The following RHOG variants were observed in gnomAD, a reference collection of about 807,000 sequenced individuals.
RHOG encodes ras homolog family member G.
Under a neutral mutation model 12.3 loss-of-function variants are expected in RHOG, and 1 was observed. The ratio of observed to expected loss-of-function variants is 0.08; its 90% CI spans 0.03 to 0.39. The LOEUF (loss-of-function observed/expected upper bound fraction) is 0.39. RHOG is among the 10% of genes least tolerant of loss of function. The pLI, the probability that RHOG is intolerant of heterozygous loss-of-function variation, is 0.99. For synonymous variants in RHOG, 129 were observed against 116.0 expected, an observed-to-expected ratio of 1.11 and a Z score of -0.72; for missense variants, 114 against 266.2, an observed-to-expected ratio of 0.43 and a Z score of 3.98.
intron 1 of RHOG, among the ~76,000 whole-genome samples, chr11:3,833,429 T>C (rs894220887): frequency 1.3e-5 from 2 of 152,234 alleles, no homozygotes; most frequent in African/African-American, 4.8e-5. Flanking sequence ...CAGATCTGTA[T>C]GTTATTAGAC....
chr11:3,828,730 T>TCTC (rs1267802970), intron 1 of RHOG, among the ~76,000 whole-genome samples: 28 of 150,438 alleles, frequency 1.9e-4, no homozygotes, highest in East Asian at 7.8e-4. Flanking sequence ...TTCACGCCAT[T>TCTC]CTGCCTCAGC....
chr11:3,833,986 G>A lies in RHOG; in HGVS notation c.-68-5780C>T, dbSNP rs1322358014. On this transcript the variant is annotated intron_variant, in intron 1 of 1. Transcript: ENST00000351018. ...CGCCCAGGTTAGAGTGCAGTGTCGC[G>A]ATCTCAGCTCACTGCAATCTCCACC... 3.9e-5 allele frequency among the ~76,000 whole-genome samples: 6 copies of A among 152,232 alleles called. No homozygotes were observed. In the South Asian group the frequency reaches 8.3e-4, roughly 21 times the overall value.
intron 1 of RHOG, among the ~76,000 whole-genome samples, chr11:3,837,226 G>T (rs1324521678): frequency 6.6e-6 from 1 of 152,146 alleles, no homozygotes; most frequent in East Asian, 1.9e-4. Context: ...GCCTGAGGGG[G>T]TTTCCACAAG....
intron 1 of RHOG, among the ~76,000 whole-genome samples, chr11:3,828,478 G>T (rs1289788106): frequency 6.6e-6 from 1 of 152,104 alleles, no homozygotes; most frequent in Non-Finnish European, 1.5e-5. Flanking sequence ...GTGTAACCCT[G>T]AAAAAATTGC....
chr11:3,839,651 G>A (rs1052831297), intron 1 of RHOG, among the ~76,000 whole-genome samples: 1 of 147,894 alleles, frequency 6.8e-6, no homozygotes, highest in Non-Finnish European at 1.5e-5. Flanking sequence ...TCTTTAATCC[G>A]TCTCTATCAC....
chr11:3,834,499 A>G (rs1413132283), intron 1 of RHOG, among the ~76,000 whole-genome samples: 1 of 152,216 alleles, frequency 6.6e-6, no homozygotes, highest in Non-Finnish European at 1.5e-5. Flanking sequence ...ACAAGACTGC[A>G]ATGCTGAATC....
At chr11:3,831,438 GCA>G (rs879310917) in intron 1 of RHOG, among the ~76,000 whole-genome samples, 21,014 of 151,592 alleles carry the variant, frequency 0.14, 1,550 homozygotes, top group Middle Eastern at 0.17. Context: ...TTGTGCGCGT[GCA>G]CGTGTGCATG....
In RHOG at chr11:3,827,288, G is replaced by A; in HGVS notation, c.*275C>T. The A allele has an allele frequency of 2.0e-6, 1 of 492,020 alleles. No individual in the cohort carries two copies. Among genetic ancestry groups the A allele is most frequent in the South Asian group, 3.0e-5 (1 of 33,704 alleles). The allele number at this position is 492,020 out of a possible 1,614,324, so 30.5% of individuals were successfully genotyped here. On this transcript the variant is annotated 3_prime_UTR_variant, in exon 2 of 2. Coordinates refer to ENST00000351018, the MANE Select transcript of RHOG (RefSeq NM_001665.4). This position sits in a 1 kb window ranked among gnomAD's most constrained non-coding sequence, Gnocchi z 7.3. ...TGGTCAGTAGCGGAAAATGGGAGGG[G>A]GCACTGGGTTGGCCTCTTGGGGAGG...
At chr11:3,836,589 C>A (rs2090158009) in intron 1 of RHOG, among the ~76,000 whole-genome samples, 1 of 151,544 alleles carries the variant, frequency 6.6e-6, no homozygotes, top group Non-Finnish European at 1.5e-5. Context: ...GTCCCAGCAC[C>A]CTAAGTGTTC....
rs1376948958 is a variant in RHOG at position 3,827,611 on chromosome 11, C to T, written c.528G>A (p.Val176=). 1 of 1,612,130 alleles carries T rather than the reference C, an allele frequency of 6.2e-7. No homozygotes were observed. The highest frequency in any genetic ancestry group is 1.1e-5 in the South Asian group (1 of 91,088). Reference sequence around the variant, plus strand: ...CACGCTTGATCGGCGTGGGGTTGAGCACAGCCCGGACAGCCTCGGCGAACA... The same window carrying T: ...CACGCTTGATCGGCGTGGGGTTGAGTACAGCCCGGACAGCCTCGGCGAACA... The part of the protein sequence containing the change: ...KEVFAEAVRA[V]LNPTPIKRGR... The change falls in exon 2 of 2, where the codon GTG becomes GTA. Residue 176 remains valine, a synonymous_variant. Transcript: ENST00000351018. The surrounding 1 kb of genome is among the most constrained non-coding windows in gnomAD (Gnocchi z 7.3).
chr11:3,839,783 G>T (rs1448087831), intron 1 of RHOG, among the ~76,000 whole-genome samples: 3 of 152,158 alleles, frequency 2.0e-5, no homozygotes, highest in Non-Finnish European at 2.9e-5. Context: ...GATACAGAGA[G>T]GGTGACAGGC....
At chr11:3,836,708 G>A (rs536428874) in intron 1 of RHOG, among the ~76,000 whole-genome samples, 41 of 151,762 alleles carry the variant, frequency 2.7e-4, no homozygotes, top group African/African-American at 9.0e-4. Flanking sequence ...AGACCAGCCT[G>A]GCCAGCATGG....
rs538794059 is a variant in RHOG at position 3,838,549 on chromosome 11, G to A, written c.-69+2345C>T. ...ATGTAGGTCCCTGGGATTTCTTCCCGGACCCAAACTTCTGTACCTCCAAGA... is the reference window on the plus strand; with the variant it reads ...ATGTAGGTCCCTGGGATTTCTTCCCAGACCCAAACTTCTGTACCTCCAAGA... On this transcript the variant is annotated intron_variant, in intron 1 of 1. Transcript: ENST00000351018. Among the ~76,000 whole-genome samples the A allele has an allele frequency of 7.2e-5, 11 of 152,238 alleles. No individual in the cohort carries two copies. The South Asian group carries it at 8.3e-4, about 11-fold the overall frequency.
At position 3,827,665 on chromosome 11, in the gene RHOG, T is replaced by C. The variant is rs1477536871; in HGVS notation, c.474A>G (p.Ser158=). Residue 158 remains serine, a synonymous_variant, in exon 2 of 2, where the codon TCA becomes TCG. Coordinates refer to ENST00000351018, the MANE Select transcript of RHOG (RefSeq NM_001665.4). This position sits in a 1 kb window ranked among gnomAD's most constrained non-coding sequence, Gnocchi z 7.3. The stretch of plus-strand genomic sequence containing the variant: ...CCTTGACACCATCCTGTTGCAGGGC[T>C]GAGCATTCGAGGTAGCGCACAGCGT... ...QIHAVRYLEC[S]ALQQDGVKEV... The C allele has an allele frequency of 3.7e-6, 6 of 1,613,936 alleles. No homozygotes were observed. In the African/African-American group the frequency reaches 8.0e-5, roughly 22 times the overall value.
intron 1 of RHOG, among the ~76,000 whole-genome samples, chr11:3,839,781 G>T (rs1029873980): frequency 6.6e-6 from 1 of 152,166 alleles, no homozygotes; most frequent in South Asian, 2.1e-4. Context: ...AGGATACAGA[G>T]AGGGTGACAG....
chr11:3,838,702 C>T (rs1845790136), intron 1 of RHOG, among the ~76,000 whole-genome samples: 2 of 152,184 alleles, frequency 1.3e-5, no homozygotes, highest in Admixed American at 1.3e-4. Context: ...TTAGCTGTAG[C>T]ACTTACTCCC....
intron 1 of RHOG, among the ~76,000 whole-genome samples, chr11:3,835,251 T>C (rs1436934681): frequency 1.3e-5 from 2 of 152,176 alleles, no homozygotes; most frequent in East Asian, 3.8e-4. Context: ...GATGCAATCA[T>C]GTCTTTGCAT....
chr11:3,833,045 C>T (rs1051446316), intron 1 of RHOG, among the ~76,000 whole-genome samples: 4 of 151,846 alleles, frequency 2.6e-5, no homozygotes, highest in African/African-American at 9.7e-5. Flanking sequence ...CACAGCAAGA[C>T]CCCATGTCTC....
chr11:3,837,277 C>T (rs1337849976), intron 1 of RHOG, among the ~76,000 whole-genome samples: 1 of 152,154 alleles, frequency 6.6e-6, no homozygotes, highest in African/African-American at 2.4e-5. Flanking sequence ...ATCTATTTTC[C>T]ACTGTCAGTG....
Sources: allele counts gnomAD v4.1 joint callset (sites outside exome capture counted in the v4.1 genomes callset), GRCh38; gene constraint gnomAD v4.1.1; non-coding constraint Gnocchi (gnomAD v3.1); transcripts MANE v1.5; gene names NCBI Gene and HGNC (gene_info 2026-07-23, HGNC 2026-07-21).